The following KIAA1958 variants were observed in gnomAD, a reference collection of about 807,000 sequenced individuals.
KIAA1958 encodes uncharacterized protein KIAA1958.
KIAA1958 carries 14 observed loss-of-function variants against 47.2 expected under a neutral mutation model. That is an observed-to-expected ratio of 0.30 (90% CI 0.20 to 0.46). The LOEUF is 0.46. Among genes scored for constraint, KIAA1958 ranks in the 20% least tolerant of loss-of-function variants. The probability of loss-of-function intolerance (pLI) is 1.00; values close to 1 mark genes in which losing one functional copy is unlikely to be tolerated. For synonymous variants in KIAA1958, 354 were observed against 353.3 expected, an observed-to-expected ratio of 1.00 and a Z score of -0.02; for missense variants, 803 against 909.2, an observed-to-expected ratio of 0.88 and a Z score of 1.50.
At chr9:112,560,999 A>G (rs1835318238) in intron 1 of KIAA1958, among the ~76,000 whole-genome samples, 1 of 152,022 alleles carries the variant, frequency 6.6e-6, no homozygotes, top group South Asian at 2.1e-4. Flanking sequence ...TACACTGAAA[A>G]TGGAACAGGT....
intron 2 of KIAA1958, among the ~76,000 whole-genome samples, chr9:112,603,696 T>C (rs971056757): frequency 3.3e-5 from 5 of 152,242 alleles, no homozygotes; most frequent in African/African-American, 1.2e-4. Flanking sequence ...CATCTACCTA[T>C]GATGTAATGT....
intron 2 of KIAA1958, among the ~76,000 whole-genome samples, chr9:112,591,299 T>A (rs1835915174): frequency 6.6e-6 from 1 of 152,080 alleles, no homozygotes; most frequent in Admixed American, 6.5e-5. Context: ...TTAGCCAGGA[T>A]GGTCTCGATC....
chr9:112,501,429 C>T (rs72762269), intron 1 of KIAA1958, among the ~76,000 whole-genome samples: 403 of 151,914 alleles, frequency 2.7e-3, no homozygotes, highest in Non-Finnish European at 4.7e-3. Context: ...GGCAACAAAG[C>T]GAGATCCTGT....
chr9:112,610,938 A>G (rs965322148), intron 2 of KIAA1958, among the ~76,000 whole-genome samples: 1 of 152,216 alleles, frequency 6.6e-6, no homozygotes, highest in Admixed American at 6.5e-5. Context: ...ATGCTTCTAC[A>G]TTAGGAAATC....
chr9:112,631,534 G>GAAAAAAAA (rs57805823), intron 2 of KIAA1958, among the ~76,000 whole-genome samples: 1 of 98,306 alleles, frequency 1.0e-5, no homozygotes, highest in African/African-American at 3.7e-5. Flanking sequence ...CTCTCTCAAA[G>GAAAAAAAA]AAAAAAAAAA....
intron 1 of KIAA1958, among the ~76,000 whole-genome samples, chr9:112,504,038 A>G (rs561896652): frequency 6.6e-6 from 1 of 152,194 alleles, no homozygotes; most frequent in African/African-American, 2.4e-5. Context: ...ATACCTTAGA[A>G]ATCAAGTACT....
intron 1 of KIAA1958, among the ~76,000 whole-genome samples, chr9:112,548,952 A>G (rs541394776): frequency 6.6e-6 from 1 of 152,350 alleles, no homozygotes; most frequent in South Asian, 2.1e-4. Context: ...ACAGTCATCT[A>G]GGAACTAAGG....
chr9:112,574,129 A>T lies in KIAA1958; in HGVS notation c.49A>T (p.Ser17Cys). 1 of 1,611,530 alleles carries T rather than the reference A, an allele frequency of 6.2e-7. No homozygotes were observed. The highest frequency in any genetic ancestry group is 8.5e-7 in the Non-Finnish European group (1 of 1,178,372). The change falls in exon 2 of 4, where the codon AGC becomes TGC. Residue 17 changes from serine to cysteine, a missense_variant. By Grantham distance (112) the Ser-to-Cys change is moderately radical (BLOSUM62 -1). This residue lies in a region of KIAA1958 where 42 missense variants were observed against 79.9 expected (regional missense o/e 0.53). Coordinates refer to ENST00000337530, the MANE Select transcript of KIAA1958 (RefSeq NM_133465.4). ...ATCTGAGAATCTGTCCAAATTGGTCAGCTGGGCCCATAGCCATGGGACTAT... is the reference window on the plus strand; with the variant it reads ...ATCTGAGAATCTGTCCAAATTGGTCTGCTGGGCCCATAGCCATGGGACTAT... The part of the protein sequence containing the change: ...TSSENLSKLV[S>C]WAHSHGTICS...
intron 1 of KIAA1958, among the ~76,000 whole-genome samples, chr9:112,565,643 A>G (rs927122486): frequency 6.6e-6 from 1 of 152,212 alleles, no homozygotes; most frequent in African/African-American, 2.4e-5. Flanking sequence ...GTTGATTTCA[A>G]TTTGTATGAA....
intron 1 of KIAA1958, among the ~76,000 whole-genome samples, chr9:112,500,362 A>C (rs528878897): frequency 6.6e-6 from 1 of 152,176 alleles, no homozygotes; most frequent in African/African-American, 2.4e-5. Flanking sequence ...TGGCCTCCCA[A>C]AGTGCTGGGA....
At chr9:112,626,632 T>C (rs1836616859) in intron 2 of KIAA1958, among the ~76,000 whole-genome samples, 1 of 152,176 alleles carries the variant, frequency 6.6e-6, no homozygotes, top group Non-Finnish European at 1.5e-5. Flanking sequence ...AATCCCTTAG[T>C]GTACTTCCAC....
At chr9:112,631,541 A>G (rs901586635) in intron 2 of KIAA1958, among the ~76,000 whole-genome samples, 6 of 151,244 alleles carry the variant, frequency 4.0e-5, no homozygotes, top group African/African-American at 1.5e-4. Context: ...AAAGAAAAAA[A>G]AAAAAAAAAA....
chr9:112,655,055 T>C (rs114960027), intron 3 of KIAA1958, among the ~76,000 whole-genome samples: 2,088 of 152,358 alleles, frequency 0.014, 54 homozygotes, highest in African/African-American at 0.046. Context: ...AAGAAAGATT[T>C]GAATATTTTC....
intron 2 of KIAA1958, among the ~76,000 whole-genome samples, chr9:112,644,791 GAT>G (rs1836949032): frequency 6.6e-6 from 1 of 151,830 alleles, no homozygotes; most frequent in Admixed American, 6.6e-5. Flanking sequence ...GTGGAATCAG[GAT>G]TTAAACACCT....
chr9:112,539,505 T>G (rs550875013), intron 1 of KIAA1958, among the ~76,000 whole-genome samples: 3 of 146,622 alleles, frequency 2.0e-5, no homozygotes, highest in South Asian at 4.4e-4. Context: ...GATGAGTGGT[T>G]GTTATGATTT....
intron 3 of KIAA1958, among the ~76,000 whole-genome samples, chr9:112,656,933 A>C (rs1837161583): frequency 6.6e-6 from 1 of 152,034 alleles, no homozygotes; most frequent in East Asian, 1.9e-4. Flanking sequence ...TCCTAATATG[A>C]TTTAGGTGTA....
rs758887464 is a variant in KIAA1958, at chr9:112,574,786, C to T, written c.706C>T (p.Pro236Ser). 1.9e-6 allele frequency: 3 copies of T among 1,613,922 alleles called. No homozygotes were observed. The highest frequency in any genetic ancestry group is 2.7e-5 in the African/African-American group (2 of 74,902). ...PALSLTQMAKPKPQTHAGPSC... is the reference protein window; with the variant it reads ...PALSLTQMAKSKPQTHAGPSC... ...CCTGTCCTTGACACAGATGGCAAAA[C>T]CCAAGCCTCAGACTCACGCTGGTCC... is the stretch of plus-strand genomic sequence containing the variant. The change falls in exon 2 of 4, where the codon CCC (proline) becomes TCC (serine). Residue 236 changes from proline to serine, a missense_variant. By Grantham distance (74) the Pro-to-Ser change is moderately conservative (BLOSUM62 -1). Around this residue, in one of 2 missense-constraint regions of KIAA1958, gnomAD observed 761 missense variants for 829.3 expected, o/e 0.92. Transcript: ENST00000337530.
At chr9:112,513,159 C>T (rs1320434289) in intron 1 of KIAA1958, among the ~76,000 whole-genome samples, 16 of 149,036 alleles carry the variant, frequency 1.1e-4, no homozygotes, top group African/African-American at 4.0e-4. Flanking sequence ...CACACGCCAC[C>T]ATGCCCAGCT....
intron 3 of KIAA1958, among the ~76,000 whole-genome samples, chr9:112,652,277 T>C (rs1837066209): frequency 6.6e-6 from 1 of 152,178 alleles, no homozygotes; most frequent in African/African-American, 2.4e-5. Context: ...CCATAGTGAG[T>C]CTTGACATGG....
Sources: allele counts gnomAD v4.1 joint callset (sites outside exome capture counted in the v4.1 genomes callset), GRCh38; gene constraint gnomAD v4.1.1; regional missense constraint gnomAD v4.1.1; transcripts MANE v1.5; gene names NCBI Gene and HGNC (gene_info 2026-07-23, HGNC 2026-07-21).